Variants in TRIO observed in about 807,000 individuals in gnomAD.
The protein encoded by TRIO is trio Rho guanine nucleotide exchange factor, also known as triple functional domain protein.
TRIO carries 58 observed loss-of-function variants against 351.9 expected under a neutral mutation model. The observed-to-expected ratio is 0.16, with a 90% confidence interval of 0.13 to 0.21. The LOEUF is 0.21. TRIO is among the 10% of genes least tolerant of loss of function. The pLI is 1.00. For synonymous variants in TRIO, 1,758 were observed against 1,595.7 expected, an observed-to-expected ratio of 1.10 and a Z score of -2.42; for missense variants, 3,201 against 4,027.8, an observed-to-expected ratio of 0.79 and a Z score of 5.56.
chr5:14,398,857 G>T, intron 29 of TRIO, 23 bp from the exon 30 acceptor site: 1 of 1,571,014 alleles, frequency 6.4e-7, no homozygotes. Flanking sequence ...AAATTGATTT[G>T]CCTCCCTTTT....
chr5:14,437,688 C>CA lies in TRIO; in HGVS notation c.5203+17667_5203+17668insA, dbSNP rs1160202376. Among the ~76,000 whole-genome samples the CA allele has an allele frequency of 3.7e-5, 5 of 134,172 alleles. 1 individual carries two copies. Among genetic ancestry groups the CA allele is most frequent in the African/African-American group, 1.5e-4 (5 of 32,544 alleles). The allele number at this position is 134,172 out of a possible 152,430, so 88.0% of individuals were successfully genotyped here. A position where few individuals can be genotyped will look rare whatever the true frequency, so the allele number is the denominator to read the frequency against. ...ACCAGGCATATTGGATGAGGACCAC[C>CA]CCCCCCGCCCCAAGGACCTCATTTT... is the stretch of plus-strand genomic sequence containing the variant. On this transcript the variant is annotated intron_variant, in intron 34 of 56. Coordinates refer to ENST00000344204, the MANE Select transcript of TRIO (RefSeq NM_007118.4).
chr5:14,237,855 G>C (rs952078993), intron 1 of TRIO, among the ~76,000 whole-genome samples: 1 of 152,132 alleles, frequency 6.6e-6, no homozygotes, highest in Non-Finnish European at 1.5e-5. Context: ...TGCTTGCTTG[G>C]TTTTAATTTG....
At chr5:14,157,396 C>T (rs349585) in intron 1 of TRIO, among the ~76,000 whole-genome samples, 10 of 149,958 alleles carry the variant, frequency 6.7e-5, no homozygotes, top group African/African-American at 2.5e-4. Flanking sequence ...TCTCTCTCTC[C>T]CCCTCCCCGC....
At chr5:14,277,367 G>A (rs1013314070) in intron 2 of TRIO, among the ~76,000 whole-genome samples, 1 of 152,132 alleles carries the variant, frequency 6.6e-6, no homozygotes, top group Admixed American at 6.5e-5. Flanking sequence ...TTTGACTAAG[G>A]CAGCATTTGG....
At chr5:14,226,031 A>C (rs966439625) in intron 1 of TRIO, among the ~76,000 whole-genome samples, 1 of 152,176 alleles carries the variant, frequency 6.6e-6, no homozygotes, top group Non-Finnish European at 1.5e-5. Flanking sequence ...CTTCCTGTGC[A>C]TTTGACTGAG....
At chr5:14,410,339 C>T (rs1749093422) in intron 33 of TRIO, among the ~76,000 whole-genome samples, 1 of 152,170 alleles carries the variant, frequency 6.6e-6, no homozygotes, top group South Asian at 2.1e-4. Flanking sequence ...TATGCCTCTC[C>T]AGTAGAACAG....
chr5:14,306,834 T>C (rs1738416855), intron 8 of TRIO, among the ~76,000 whole-genome samples: 1 of 152,216 alleles, frequency 6.6e-6, no homozygotes, highest in African/African-American at 2.4e-5. Context: ...CAGTGCATTC[T>C]ATAAAAATGG....
In TRIO at chr5:14,378,444, T is replaced by C. The variant is rs16903441; in HGVS notation, c.3447+317T>C. ...AATCTTGGTTCTGTACTTAGGTAAA[T>C]ATGATGGATTTTTTTTTATATTGAT... On this transcript the variant is annotated intron_variant, in intron 20 of 56. Transcript: ENST00000344204. 6.1e-3 allele frequency among the ~76,000 whole-genome samples: 923 copies of C among 152,312 alleles called. 13 individuals carry two copies. The highest frequency in any genetic ancestry group is 0.021 in the African/African-American group (892 of 41,568).
At chr5:14,217,405 A>T (rs576883845) in intron 1 of TRIO, among the ~76,000 whole-genome samples, 1 of 151,924 alleles carries the variant, frequency 6.6e-6, no homozygotes, top group South Asian at 2.1e-4. Context: ...TCCCCAGGAG[A>T]GTGAGAGTTG....
At chr5:14,146,304 G>T (rs1290424292) in intron 1 of TRIO, among the ~76,000 whole-genome samples, 1 of 152,178 alleles carries the variant, frequency 6.6e-6, no homozygotes, top group Non-Finnish European at 1.5e-5. Flanking sequence ...TGGGAAAATA[G>T]GTTCTCATTG....
intron 6 of TRIO, among the ~76,000 whole-genome samples, chr5:14,294,815 A>G (rs1425219910): frequency 1.3e-5 from 2 of 152,214 alleles, no homozygotes; most frequent in African/African-American, 2.4e-5. Flanking sequence ...TGCTTGACAT[A>G]TAGTAAGTAC....
At chr5:14,498,887 A>G in intron 53 of TRIO, 1 of 419,790 alleles carries the variant, frequency 2.4e-6, no homozygotes, top group East Asian at 4.6e-5. Context: ...TGGGAGGAGG[A>G]TGGGGGCCTG....
chr5:14,351,402 A>G (rs1428690661), intron 11 of TRIO, among the ~76,000 whole-genome samples: 1 of 152,116 alleles, frequency 6.6e-6, no homozygotes, highest in African/African-American at 2.4e-5. Context: ...TGAAACTCCT[A>G]CTTCTGCTTC....
Position 14,147,717 on chromosome 5 carries a change from C to T in TRIO, c.157+3835C>T, listed in dbSNP as rs1581229611. The stretch of plus-strand genomic sequence containing the variant: ...TTATATATTTTGATATGACGGTTTC[C>T]TTGTGGAGTATTGAGAGAAGCTTTT... On this transcript the variant is annotated intron_variant, in intron 1 of 56. Transcript: ENST00000344204. Among the ~76,000 whole-genome samples, 5 of 152,206 alleles carry T rather than the reference C, an allele frequency of 3.3e-5. No individual in the cohort carries two copies. The South Asian group carries it at 1.0e-3, about 32-fold the overall frequency.
In TRIO at chr5:14,488,576, G is replaced by A. The variant is rs1229602263; in HGVS notation, c.7632+316G>A. The A allele has an allele frequency of 3.6e-5, 18 of 497,028 alleles. No homozygotes were observed. The East Asian group carries it at 4.1e-4, about 11-fold the overall frequency. The allele number at this position is 497,028 out of a possible 1,614,324, so 30.8% of individuals were successfully genotyped here. On this transcript the variant is annotated intron_variant, in intron 48 of 56. Transcript: ENST00000344204. ...CTTTTTTAACCTCTGCCTTCCTCAC[G>A]CACCTATTTTTTGGAGGGTTCCTTT...
intron 9 of TRIO, among the ~76,000 whole-genome samples, chr5:14,329,839 C>T (rs547608258): frequency 1.3e-5 from 2 of 152,282 alleles, no homozygotes; most frequent in South Asian, 4.1e-4. Flanking sequence ...TCTGCATGAT[C>T]GCCCACATAT....
At chr5:14,284,916 C>T (rs1736310579) in intron 3 of TRIO, among the ~76,000 whole-genome samples, 3 of 152,188 alleles carry the variant, frequency 2.0e-5, no homozygotes, top group Non-Finnish European at 2.9e-5. Context: ...CGGGCACCTG[C>T]CTCTTCCTGC....
At chr5:14,475,337 C>T (rs745797634) in intron 40 of TRIO, among the ~76,000 whole-genome samples, 6 of 100,756 alleles carry the variant, frequency 6.0e-5, no homozygotes, top group African/African-American at 1.6e-4. Context: ...AAGCTCTGGC[C>T]TCTCTCTGAA....
chr5:14,352,845 G>A (rs192406982), intron 11 of TRIO, among the ~76,000 whole-genome samples: 7 of 151,914 alleles, frequency 4.6e-5, no homozygotes, highest in Admixed American at 3.3e-4. Context: ...TCCAGTGTGC[G>A]GTAAAATATC....
Sources: gnomAD v4.1 joint callset for allele counts (sites outside exome capture counted in the v4.1 genomes callset) on GRCh38, gnomAD v4.1.1 for gene constraint, MANE v1.5 for transcripts, NCBI Gene and HGNC (gene_info 2026-07-23, HGNC 2026-07-21) for gene names.